The following MBNL1 variants were observed in gnomAD, a reference collection of about 807,000 sequenced individuals.
MBNL1 encodes the protein muscleblind-like protein 1.
MBNL1 carries 8 observed loss-of-function variants against 42.2 expected under a neutral mutation model. The ratio of observed to expected loss-of-function variants is 0.19; its 90% confidence interval spans 0.11 to 0.34. The LOEUF (loss-of-function observed/expected upper bound fraction) is 0.34, where lower values mean the gene tolerates loss of function less well. Among genes scored for constraint, MBNL1 ranks in the 10% least tolerant of loss-of-function variants. MBNL1 has a pLI of 1.00. For synonymous variants in MBNL1, 169 were observed against 173.9 expected (o/e 0.97, Z 0.22); for missense variants, 309 against 495.3 (o/e 0.62, Z 3.57).
At chr3:152,443,189 CCCA>C (rs201759104) in intron 4 of MBNL1, among the ~76,000 whole-genome samples, 4,257 of 147,466 alleles carry the variant, frequency 0.029, 228 homozygotes, top group African/African-American at 0.1. Context: ...AACCCCCCCC[CCCA>C]CACACACACA....
intron 2 of MBNL1, among the ~76,000 whole-genome samples, chr3:152,355,927 AG>A (rs1460565484): frequency 6.6e-6 from 1 of 152,214 alleles, no homozygotes; most frequent in Non-Finnish European, 1.5e-5. Context: ...TGTTGTGCCA[AG>A]TCAGTAAACA....
chr3:152,436,906 GTCTTAT>G (rs1233301938), intron 4 of MBNL1, among the ~76,000 whole-genome samples: 1 of 152,160 alleles, frequency 6.6e-6, no homozygotes, highest in Non-Finnish European at 1.5e-5. Flanking sequence ...GCAGCTTCCT[GTCTTAT>G]TCTTGTTAAC....
intron 4 of MBNL1, among the ~76,000 whole-genome samples, chr3:152,436,331 A>G (rs1390929701): frequency 1.3e-5 from 2 of 152,328 alleles, no homozygotes; most frequent in East Asian, 1.9e-4. Context: ...TGATTTTAGG[A>G]GAAGAGATGT....
chr3:152,345,265 C>A (rs1014716953), intron 2 of MBNL1, among the ~76,000 whole-genome samples: 1 of 152,090 alleles, frequency 6.6e-6, no homozygotes, highest in Non-Finnish European at 1.5e-5. Context: ...TGAGTACCAG[C>A]TTTTCTTTTC....
At chr3:152,274,255 C>T (rs572242353) in intron 1 of MBNL1, among the ~76,000 whole-genome samples, 4 of 152,200 alleles carry the variant, frequency 2.6e-5, no homozygotes, top group South Asian at 2.1e-4. Context: ...ATAAGCATTA[C>T]GTTGCTGACT....
chr3:152,437,519 C>CA (rs2153803206), intron 4 of MBNL1, among the ~76,000 whole-genome samples: 1 of 152,232 alleles, frequency 6.6e-6, no homozygotes, highest in Non-Finnish European at 1.5e-5. Flanking sequence ...TAGGGGGTTG[C>CA]ACCAGATAAT....
At chr3:152,298,016 A>T (rs1434957823) in intron 1 of MBNL1, among the ~76,000 whole-genome samples, 1 of 152,176 alleles carries the variant, frequency 6.6e-6, no homozygotes, top group Non-Finnish European at 1.5e-5. Flanking sequence ...TAGTTTTGGA[A>T]AGTAGTTTTT....
chr3:152,297,846 G>A (rs183833952), intron 1 of MBNL1, among the ~76,000 whole-genome samples: 150 of 152,010 alleles, frequency 9.9e-4, no homozygotes, highest in African/African-American at 3.5e-3. Flanking sequence ...AATAGATATG[G>A]GGTTTTACCA....
At chr3:152,370,892 T>G (rs961350273) in intron 2 of MBNL1, among the ~76,000 whole-genome samples, 8 of 152,154 alleles carry the variant, frequency 5.3e-5, no homozygotes, top group Admixed American at 1.3e-4. Context: ...TATGTGTGTC[T>G]TTGCATGTGA....
chr3:152,253,308 C>T (rs1018887308), intron 2 of MBNL1, among the ~76,000 whole-genome samples: 11 of 152,080 alleles, frequency 7.2e-5, no homozygotes, highest in Non-Finnish European at 7.4e-5. Context: ...CTTTTCCTCA[C>T]CTACACTCCA....
intron 2 of MBNL1, among the ~76,000 whole-genome samples, chr3:152,245,225 A>C (rs1259105790): frequency 6.6e-6 from 1 of 152,148 alleles, no homozygotes; most frequent in Non-Finnish European, 1.5e-5. Flanking sequence ...AATTTGCACT[A>C]ATCCAGAATA....
At chr3:152,252,381 T>G (rs748680523) in intron 2 of MBNL1, among the ~76,000 whole-genome samples, 2 of 151,876 alleles carry the variant, frequency 1.3e-5, no homozygotes, top group Non-Finnish European at 2.9e-5. Flanking sequence ...GTTTCCAATT[T>G]TAGGGTTTTT....
At chr3:152,405,634 A>C (rs1409288872) in intron 2 of MBNL1, among the ~76,000 whole-genome samples, 1 of 152,210 alleles carries the variant, frequency 6.6e-6, no homozygotes, top group African/African-American at 2.4e-5. Flanking sequence ...GATTGTTAGA[A>C]GAAAAATTGG....
At chr3:152,456,589 A>G (rs1469238999) in intron 8 of MBNL1, among the ~76,000 whole-genome samples, 1 of 152,174 alleles carries the variant, frequency 6.6e-6, no homozygotes, top group Admixed American at 6.5e-5. Flanking sequence ...AAGTGCTCCA[A>G]AGTCGTCGCA....
At chr3:152,442,246 C>T (rs1238379308) in intron 4 of MBNL1, among the ~76,000 whole-genome samples, 1 of 152,004 alleles carries the variant, frequency 6.6e-6, no homozygotes, top group Non-Finnish European at 1.5e-5. Flanking sequence ...TCTAGATATC[C>T]TCCAAAAGAG....
intron 2 of MBNL1, among the ~76,000 whole-genome samples, chr3:152,343,199 T>C (rs1177425828): frequency 6.6e-6 from 1 of 152,148 alleles, no homozygotes; most frequent in East Asian, 1.9e-4. Context: ...GTGACTAGCA[T>C]TGGAAAACCA....
At chr3:152,292,901 T>TGGGAC (rs2151087575) in intron 1 of MBNL1, among the ~76,000 whole-genome samples, 1 of 152,086 alleles carries the variant, frequency 6.6e-6, no homozygotes, top group South Asian at 2.1e-4. Flanking sequence ...CCTGAGTAAT[T>TGGGAC]GGGACTACAG....
At chr3:152,287,262 G>A (rs2053086776) in intron 1 of MBNL1, among the ~76,000 whole-genome samples, 1 of 151,916 alleles carries the variant, frequency 6.6e-6, no homozygotes, top group African/African-American at 2.4e-5. Context: ...TTAGAGTGAT[G>A]TGCAGTGGCA....
chr3:152,438,270 C>T (rs1361414133), intron 4 of MBNL1, among the ~76,000 whole-genome samples: 8 of 152,050 alleles, frequency 5.3e-5, no homozygotes, highest in African/African-American at 1.9e-4. Flanking sequence ...TGCTTTAATT[C>T]CTGTCTTATC....
Sources: allele counts gnomAD v4.1 joint callset (sites outside exome capture counted in the v4.1 genomes callset), GRCh38; gene constraint gnomAD v4.1.1; transcripts MANE v1.5; gene names NCBI Gene and HGNC (gene_info 2026-07-23, HGNC 2026-07-21).